SLX4IP: variants seen among roughly 807,000 people sequenced by gnomAD.
The protein encoded by SLX4IP is SLX4 interacting protein.
SLX4IP carries 34 observed loss-of-function variants against 32.9 expected under a neutral mutation model. The observed-to-expected ratio is 1.03, with a 90% confidence interval of 0.79 to 1.38. The LOEUF is 1.38. Ranked by LOEUF, SLX4IP falls within the 40% of genes most tolerant of loss-of-function variation. SLX4IP has a pLI of 0.00. For synonymous variants in SLX4IP, 172 were observed against 171.7 expected, an observed-to-expected ratio of 1.00 and a Z score of -0.01; for missense variants, 444 against 479.0, an observed-to-expected ratio of 0.93 and a Z score of 0.68.
intron 2 of SLX4IP, among the ~76,000 whole-genome samples, chr20:10,516,157 G>A (rs1467581199): frequency 1.3e-5 from 2 of 152,138 alleles, no homozygotes; most frequent in African/African-American, 2.4e-5. Flanking sequence ...CAAAATGCTG[G>A]GACTACAGGT....
At chr20:10,599,679 G>A (rs913668634) in intron 5 of SLX4IP, among the ~76,000 whole-genome samples, 3 of 152,022 alleles carry the variant, frequency 2.0e-5, no homozygotes, top group Non-Finnish European at 2.9e-5. Flanking sequence ...TTACAGGCAT[G>A]AGCCAGCATG....
At chr20:10,545,204 C>T (rs2066150549) in intron 2 of SLX4IP, among the ~76,000 whole-genome samples, 1 of 152,142 alleles carries the variant, frequency 6.6e-6, no homozygotes, top group Non-Finnish European at 1.5e-5. Flanking sequence ...CTTTCCTGAA[C>T]TAGCAGAGCC....
At chr20:10,440,759 AC>A (rs2065154400) in intron 1 of SLX4IP, among the ~76,000 whole-genome samples, 1 of 152,192 alleles carries the variant, frequency 6.6e-6, no homozygotes, top group African/African-American at 2.4e-5. Context: ...GATTATCAGA[AC>A]TTTTTTTTTC....
chr20:10,472,146 T>G (rs1371807493), intron 2 of SLX4IP, among the ~76,000 whole-genome samples: 1 of 152,182 alleles, frequency 6.6e-6, no homozygotes, highest in East Asian at 1.9e-4. Flanking sequence ...TCTTATTTGT[T>G]TATTATAGTT....
intron 2 of SLX4IP, among the ~76,000 whole-genome samples, chr20:10,498,825 T>C (rs1456985467): frequency 6.6e-6 from 1 of 152,022 alleles, no homozygotes; most frequent in African/African-American, 2.4e-5. Flanking sequence ...TCCTCTAATT[T>C]TTAAAAATTT....
intron 4 of SLX4IP, among the ~76,000 whole-genome samples, chr20:10,588,286 G>A (rs138628065): frequency 1.3e-5 from 2 of 152,314 alleles, no homozygotes; most frequent in Non-Finnish European, 2.9e-5. Context: ...ATCAGGAAAT[G>A]CACGTTATGA....
At chr20:10,561,615 C>G (rs1236295277) in intron 4 of SLX4IP, among the ~76,000 whole-genome samples, 1 of 150,816 alleles carries the variant, frequency 6.6e-6, no homozygotes, top group Non-Finnish European at 1.5e-5. Flanking sequence ...CACCCATCAC[C>G]CAAGCAGTAT....
At chr20:10,606,634 C>CAGTTA in intron 6 of SLX4IP, among the ~76,000 whole-genome samples, 1 of 152,140 alleles carries the variant, frequency 6.6e-6, no homozygotes, top group Non-Finnish European at 1.5e-5. Context: ...TAACTGATGA[C>CAGTTA]CAATATTGTA....
At chr20:10,470,544 C>A (rs937778185) in intron 2 of SLX4IP, among the ~76,000 whole-genome samples, 6 of 152,180 alleles carry the variant, frequency 3.9e-5, no homozygotes, top group African/African-American at 1.4e-4. Flanking sequence ...GATTTTCAGA[C>A]TGTTGGAAAT....
At chr20:10,438,670 T>C (rs1198432161) in intron 1 of SLX4IP, among the ~76,000 whole-genome samples, 3 of 151,706 alleles carry the variant, frequency 2.0e-5, no homozygotes, top group Non-Finnish European at 4.4e-5. Flanking sequence ...TTAGTAGAGA[T>C]GGAGTTTCAC....
chr20:10,596,943 T>C (rs2066777714), intron 4 of SLX4IP, among the ~76,000 whole-genome samples: 1 of 152,196 alleles, frequency 6.6e-6, no homozygotes, highest in African/African-American at 2.4e-5. Context: ...TTTTCAAGTG[T>C]GTTAGGAAAA....
intron 4 of SLX4IP, among the ~76,000 whole-genome samples, chr20:10,567,934 T>C (rs2066415253): frequency 6.6e-6 from 1 of 152,196 alleles, no homozygotes; most frequent in Non-Finnish European, 1.5e-5. Flanking sequence ...GGCACAAATT[T>C]TTATCTGTTC....
At chr20:10,537,099 A>G (rs1422644801) in intron 2 of SLX4IP, among the ~76,000 whole-genome samples, 2 of 152,234 alleles carry the variant, frequency 1.3e-5, no homozygotes, top group Non-Finnish European at 2.9e-5. Flanking sequence ...TAAACAATTC[A>G]TATTCAATAG....
At chr20:10,602,962 A>G (rs1297045145) in intron 6 of SLX4IP, among the ~76,000 whole-genome samples, 2 of 152,240 alleles carry the variant, frequency 1.3e-5, no homozygotes, top group East Asian at 1.9e-4. Context: ...TTCTTCATCC[A>G]TCAGTCAAAC....
At chr20:10,621,289 G>A (rs753465367) in intron 6 of SLX4IP, 25 bp from the exon 7 acceptor site, 1 of 1,603,294 alleles carries the variant, frequency 6.2e-7, no homozygotes, top group Non-Finnish European at 8.5e-7. Context: ...ATTTCTGGTT[G>A]AACCTTTGTT....
intron 2 of SLX4IP, among the ~76,000 whole-genome samples, chr20:10,504,393 G>A (rs1421371535): frequency 2.0e-5 from 3 of 152,116 alleles, no homozygotes; most frequent in East Asian, 1.9e-4. Context: ...CTGGACCTTC[G>A]GTGAGGCAGA....
At chr20:10,438,993 C>T (rs1389269781) in intron 1 of SLX4IP, among the ~76,000 whole-genome samples, 1 of 152,000 alleles carries the variant, frequency 6.6e-6, no homozygotes, top group Non-Finnish European at 1.5e-5. Flanking sequence ...GCATGAGCCA[C>T]ACACGCCTGG....
intron 2 of SLX4IP, among the ~76,000 whole-genome samples, chr20:10,485,473 C>T (rs1034380091): frequency 5.9e-5 from 9 of 151,940 alleles, no homozygotes; most frequent in African/African-American, 1.5e-4. Flanking sequence ...AAACATTAGC[C>T]GGGCATGGTA....
At chr20:10,498,004 A>G (rs910305508) in intron 2 of SLX4IP, among the ~76,000 whole-genome samples, 6 of 151,650 alleles carry the variant, frequency 4.0e-5, no homozygotes, top group African/African-American at 1.5e-4. Context: ...TATCAGTTCC[A>G]TGACTCACTT....
Sources: allele counts gnomAD v4.1 joint callset (sites outside exome capture counted in the v4.1 genomes callset), GRCh38; gene constraint gnomAD v4.1.1; transcripts MANE v1.5; gene names NCBI Gene and HGNC (gene_info 2026-07-23, HGNC 2026-07-21).